The following SIGLEC12 variants were observed in gnomAD, a reference collection of about 807,000 sequenced individuals.
The protein encoded by SIGLEC12 is sialic acid binding Ig like lectin 12.
In SIGLEC12, 43 loss-of-function variants were observed where a neutral mutation model predicts 54.1. The ratio of observed to expected loss-of-function variants is 0.80; its 90% CI spans 0.62 to 1.03. SIGLEC12 has a LOEUF of 1.03. SIGLEC12 is among the 50% of genes least tolerant of loss of function. SIGLEC12 has a pLI of 0.00. For synonymous variants in SIGLEC12, 357 were observed against 307.6 expected (o/e 1.16, Z -1.68); for missense variants, 802 against 735.2 (o/e 1.09, Z -1.05).
Position 51,499,457 on chromosome 19 carries a change from A to T in SIGLEC12, c.1068T>A (p.Ala356=), listed in dbSNP as rs777415949. 1.9e-6 allele frequency: 3 copies of T among 1,590,612 alleles called. No individual in the cohort carries two copies. The highest frequency in any genetic ancestry group is 2.6e-6 in the Non-Finnish European group (3 of 1,171,114). The change falls in exon 3 of 8, where the codon GCT becomes GCA. Residue 356 remains alanine (A), a synonymous_variant. Transcript: ENST00000291707. The stretch of plus-strand genomic sequence containing the variant: ...ACTCACAGGATATGTTGAGTCGGAC[A>T]GCCCTGGTCATGGTCACGCCGGCCC... ...LPGAGVTMTR[A]VRLNISYPPQ... is the part of the protein sequence containing the mutation.
chr19:51,495,354 C>T (rs193179563), intron 7 of SIGLEC12, among the ~76,000 whole-genome samples: 364 of 21,112 alleles, frequency 0.017, 2 homozygotes, highest in Non-Finnish European at 0.027. Context: ...GATGGATGGA[C>T]AGACGGGTGG....
intron 7 of SIGLEC12, 56 bp from the exon 8 acceptor site, chr19:51,491,885 G>C (rs1990112723): frequency 7.1e-7 from 1 of 1,415,346 alleles, no homozygotes; most frequent in Non-Finnish European, 9.4e-7. Context: ...GCATGCACCA[G>C]AGAGCATCCA....
At chr19:51,499,088 T>C (rs1990319983) in intron 4 of SIGLEC12, 82 bp downstream of exon 4, 7 of 1,494,836 alleles carry the variant, frequency 4.7e-6, no homozygotes, top group Non-Finnish European at 6.5e-6. Flanking sequence ...CAAAAGGGTC[T>C]CAGGTCACCA....
chr19:51,495,209 G>A (rs1159896076), intron 7 of SIGLEC12, among the ~76,000 whole-genome samples: 15 of 96,690 alleles, frequency 1.6e-4, no homozygotes, highest in East Asian at 3.6e-4. Flanking sequence ...GGACGGACGG[G>A]TGGGTGGGTG....
intron 7 of SIGLEC12, among the ~76,000 whole-genome samples, chr19:51,493,120 GTTATCAAGGTCACCATGACCACTGC>G (rs1450393746): frequency 6.6e-6 from 1 of 152,230 alleles, no homozygotes; most frequent in African/African-American, 2.4e-5. Context: ...CAGCACTGCT[GTTATCAAGGTCACCATGACCACTGC>G]TTGGCTGAGT....
intron 7 of SIGLEC12, 62 bp from the exon 8 acceptor site, chr19:51,491,891 A>G (rs1483685075): frequency 7.2e-7 from 1 of 1,385,438 alleles, no homozygotes; most frequent in East Asian, 2.4e-5. Flanking sequence ...ACCAGAGAGC[A>G]TCCAGGAAGG....
intron 7 of SIGLEC12, among the ~76,000 whole-genome samples, chr19:51,495,274 TGGATGGATGGATGGATGGATGGACGGAC>T (rs1990203201): frequency 7.8e-6 from 1 of 128,464 alleles, no homozygotes; most frequent in Non-Finnish European, 1.7e-5. Flanking sequence ...GATGGATGGA[TGGATGGATGGATGGATGGATGGACGGAC>T]GGACGGGTGG....
In SIGLEC12 at chr19:51,501,763, A is replaced by G. The variant is rs771560541; in HGVS notation, c.-30T>C. ...CGGGTTGGAGGTGCCAGGGTTGCTGAGGTAAGTCTGTTCCTCAGGGTTCTT... is the reference window on the plus strand; with the variant it reads ...CGGGTTGGAGGTGCCAGGGTTGCTGGGGTAAGTCTGTTCCTCAGGGTTCTT... On this transcript the variant is annotated 5_prime_UTR_variant, in exon 1 of 8. Transcript: ENST00000291707. 3 of 1,560,788 alleles carry G rather than the reference A, an allele frequency of 1.9e-6. No homozygotes were observed. The highest frequency in any genetic ancestry group is 2.6e-6 in the Non-Finnish European group (3 of 1,151,290).
rs139533721 is a variant in SIGLEC12 at position 51,497,229 on chromosome 19, C to T, written c.1502+120G>A. The T allele has an allele frequency of 6.5e-4, 631 of 977,504 alleles. 8 individuals carry two copies. Among genetic ancestry groups the T allele is most frequent in the Non-Finnish European group, 7.2e-5 (46 of 641,682 alleles). 60.6% of individuals were successfully genotyped at this position (977,504 alleles called of 1,614,324 possible). A position where few individuals can be genotyped will look rare whatever the true frequency, so the allele number is the denominator to read the frequency against. ...GAAATTCTTACCATGCACCCATGACCTCATTCTGGCCCTTGCTTCAAGCTC... is the reference window on the plus strand; with the variant it reads ...GAAATTCTTACCATGCACCCATGACTTCATTCTGGCCCTTGCTTCAAGCTC... On this transcript the variant is annotated intron_variant, in intron 6 of 7. Coordinates refer to ENST00000291707, the MANE Select transcript of SIGLEC12 (RefSeq NM_053003.4).
Position 51,499,585 on chromosome 19 carries a change from C to G in SIGLEC12, c.940G>C (p.Val314Leu). 6.2e-7 allele frequency: 1 copy of G among 1,612,276 alleles called. No individual in the cohort carries two copies. The highest frequency in any genetic ancestry group is 1.1e-5 in the South Asian group (1 of 90,932). Residue 314 changes from valine (V) to leucine (L), a missense_variant, in exon 3 of 8, where the codon GTG becomes CTG. Val to Leu is a conservative substitution (Grantham distance 32). Coordinates refer to ENST00000291707, the MANE Select transcript of SIGLEC12 (RefSeq NM_053003.4). ...PPTITWMGASVSSLDPTITRS... is the reference protein window; with the variant it reads ...PPTITWMGASLSSLDPTITRS... ...GTGATAGTGGGGTCCAGGGAGGACA[C>G]GGAGGCCCCCATCCAGGTGATCGTG...
intron 7 of SIGLEC12, among the ~76,000 whole-genome samples, chr19:51,493,374 G>T (rs1158022687): frequency 6.6e-6 from 1 of 152,098 alleles, no homozygotes; most frequent in Non-Finnish European, 1.5e-5. Context: ...CTTTTGCTTT[G>T]CAATCTCATC....
rs765387136 is a variant in SIGLEC12, at chr19:51,499,569, G to C, written c.956C>G (p.Pro319Arg). Residue 319 changes from proline (P) to arginine (R), a missense_variant, in exon 3 of 8, where the codon CCC becomes CGC. Transcript: ENST00000291707. ...GAGCATCGAGGAGCGAGTGATAGTG[G>C]GGTCCAGGGAGGACACGGAGGCCCC... ...WMGASVSSLD[P>R]TITRSSMLSL... The C allele has an allele frequency of 1.9e-6, 3 of 1,611,808 alleles. No individual in the cohort carries two copies. The highest frequency in any genetic ancestry group is 4.5e-5 in the East Asian group (2 of 44,890).
chr19:51,496,716 G>A (rs1354280246), intron 7 of SIGLEC12, among the ~76,000 whole-genome samples, 164 bp downstream of exon 7: 3 of 152,148 alleles, frequency 2.0e-5, no homozygotes, highest in Non-Finnish European at 4.4e-5. Context: ...GGGTCAGGAT[G>A]GGATGGGGAG....
At chr19:51,492,388 C>T (rs773663310) in intron 7 of SIGLEC12, among the ~76,000 whole-genome samples, 3 of 152,184 alleles carry the variant, frequency 2.0e-5, no homozygotes, top group Non-Finnish European at 2.9e-5. Flanking sequence ...TTGATTCAGA[C>T]GTGGCACCTG....
In SIGLEC12 at chr19:51,499,879, C is replaced by T. The variant is rs201450072; in HGVS notation, c.808+41G>A. On this transcript the variant is annotated intron_variant, in intron 2 of 7. Coordinates refer to ENST00000291707, the MANE Select transcript of SIGLEC12 (RefSeq NM_053003.4). ...CACCTCAGCCCTACCCTGCGGCCCT[C>T]GGGCCTTCCCCTCTGGCTGGTCCTA... 8.8e-5 allele frequency: 139 copies of T among 1,573,734 alleles called. 1 individual carries two copies. In the Admixed American group the frequency reaches 1.8e-3, roughly 21 times the overall value.
At chr19:51,497,236 TG>T in intron 6 of SIGLEC12, 112 bp downstream of exon 6, 1 of 1,014,204 alleles carries the variant, frequency 9.9e-7, no homozygotes, top group Admixed American at 2.2e-5. Context: ...GACCTCATTC[TG>T]GCCCTTGCTT....
intron 7 of SIGLEC12, 61 bp from the exon 8 acceptor site, chr19:51,491,890 C>T: frequency 5.0e-6 from 7 of 1,393,564 alleles, no homozygotes; most frequent in Non-Finnish European, 6.7e-6. Context: ...CACCAGAGAG[C>T]ATCCAGGAAG....
At chr19:51,497,090 G>A (rs1990261827) in intron 6 of SIGLEC12, 114 bp from the exon 7 acceptor site, 2 of 1,536,984 alleles carry the variant, frequency 1.3e-6, no homozygotes, top group South Asian at 1.1e-5. Flanking sequence ...TGAGGCGGGA[G>A]GGGAGTGGTC....
chr19:51,497,132 G>A (rs897437039), intron 6 of SIGLEC12, among the ~76,000 whole-genome samples, 156 bp from the exon 7 acceptor site: 4 of 152,290 alleles, frequency 2.6e-5, no homozygotes, highest in Non-Finnish European at 5.9e-5. Flanking sequence ...CGAAAACAGA[G>A]GCTCTTTTTT....
Sources: allele counts gnomAD v4.1 joint callset (sites outside exome capture counted in the v4.1 genomes callset), GRCh38; gene constraint gnomAD v4.1.1; transcripts MANE v1.5; gene names NCBI Gene and HGNC (gene_info 2026-07-23, HGNC 2026-07-21).